The following PRKAG2 variants were observed in gnomAD, a reference collection of about 807,000 sequenced individuals.
The protein encoded by PRKAG2 is 5'-AMP-activated protein kinase subunit gamma-2.
PRKAG2 carries 26 observed loss-of-function variants against 69.6 expected under a neutral mutation model. The ratio of observed to expected loss-of-function variants is 0.37; its 90% CI spans 0.27 to 0.52. PRKAG2 has a LOEUF of 0.52. Ranked by LOEUF, PRKAG2 falls within the 20% of genes least tolerant of loss-of-function variation. The pLI, the probability that PRKAG2 is intolerant of heterozygous loss-of-function variation, is 0.90. For synonymous variants in PRKAG2, 293 were observed against 285.0 expected, an observed-to-expected ratio of 1.03 and a Z score of -0.28; for missense variants, 557 against 740.0, an observed-to-expected ratio of 0.75 and a Z score of 2.87.
intron 4 of PRKAG2, among the ~76,000 whole-genome samples, chr7:151,673,891 G>A (rs1007192277): frequency 5.5e-5 from 8 of 146,720 alleles, no homozygotes; most frequent in Non-Finnish European, 8.9e-5. Context: ...CACCCAGGCC[G>A]GAGTGCAGTG....
intron 1 of PRKAG2, among the ~76,000 whole-genome samples, chr7:151,799,636 C>A (rs1019715141): frequency 2.0e-5 from 3 of 152,218 alleles, no homozygotes; most frequent in African/African-American, 4.8e-5. Flanking sequence ...TTCCCAGGAA[C>A]CATGGAACCT....
At chr7:151,637,757 G>A (rs1825981108) in intron 4 of PRKAG2, among the ~76,000 whole-genome samples, 1 of 151,140 alleles carries the variant, frequency 6.6e-6, no homozygotes, top group Non-Finnish European at 1.5e-5. Flanking sequence ...GAATTTGAGG[G>A]CTTTTACAGT....
intron 4 of PRKAG2, among the ~76,000 whole-genome samples, chr7:151,654,618 T>C (rs1563353322): frequency 6.6e-6 from 1 of 152,202 alleles, no homozygotes; most frequent in African/African-American, 2.4e-5. Context: ...CAGTCTGATA[T>C]TGGAGAAAGT....
Position 151,632,318 on chromosome 7 carries a change from C to T in PRKAG2, c.685-180G>A, listed in dbSNP as rs1225728006. 7 of 827,706 alleles carry T rather than the reference C, an allele frequency of 8.5e-6. No individual in the cohort carries two copies. The African/African-American group carries it at 1.1e-4, about 13-fold the overall frequency. 51.3% of individuals were successfully genotyped at this position (827,706 alleles called of 1,614,324 possible). ...AGCGGGAGCGCTGCCCCCACCCGCC[C>T]GAGGCCGCCGCCGCCGCCGCAGGTG... On this transcript the variant is annotated intron_variant, in intron 4 of 15. Coordinates refer to ENST00000287878, the MANE Select transcript of PRKAG2 (RefSeq NM_016203.4). The surrounding 1 kb of genome is among the most constrained non-coding windows in gnomAD (Gnocchi z 4.2).
At chr7:151,622,520 G>A (rs1160235833) in intron 5 of PRKAG2, among the ~76,000 whole-genome samples, 4 of 152,222 alleles carry the variant, frequency 2.6e-5, no homozygotes, top group Admixed American at 6.5e-5. Flanking sequence ...CACCAATGGG[G>A]ACTACTCAAG....
intron 3 of PRKAG2, among the ~76,000 whole-genome samples, chr7:151,697,491 C>A (rs1363923672): frequency 6.6e-6 from 1 of 152,118 alleles, no homozygotes; most frequent in African/African-American, 2.4e-5. Flanking sequence ...GGACCCGCCG[C>A]TGGAAGTGAG....
intron 4 of PRKAG2, among the ~76,000 whole-genome samples, chr7:151,667,431 C>T (rs975827894): frequency 1.3e-5 from 2 of 152,220 alleles, no homozygotes; most frequent in African/African-American, 4.8e-5. Flanking sequence ...ATGTGTTCAA[C>T]TGCAGACCTA....
intron 4 of PRKAG2, among the ~76,000 whole-genome samples, chr7:151,652,293 T>C (rs1414254233): frequency 1.3e-5 from 2 of 152,204 alleles, no homozygotes; most frequent in African/African-American, 4.8e-5. Flanking sequence ...ATTTTCTTCA[T>C]GTGCTTCAAC....
intron 6 of PRKAG2, among the ~76,000 whole-genome samples, chr7:151,587,415 T>C (rs1045511942): frequency 7.2e-5 from 11 of 152,094 alleles, no homozygotes; most frequent in Non-Finnish European, 1.6e-4. Context: ...TCACTCCCCA[T>C]GGCTAAGTGT....
At chr7:151,844,983 G>A (rs1434359178) in intron 1 of PRKAG2, among the ~76,000 whole-genome samples, 1 of 152,008 alleles carries the variant, frequency 6.6e-6, no homozygotes, top group Non-Finnish European at 1.5e-5. Context: ...TCCTCTTCTC[G>A]GTGCTGTTGA....
At chr7:151,626,255 C>A (rs1450560771) in intron 5 of PRKAG2, among the ~76,000 whole-genome samples, 1 of 152,160 alleles carries the variant, frequency 6.6e-6, no homozygotes, top group South Asian at 2.1e-4. Context: ...CTTCCGGTGA[C>A]AAAACCTCTA....
chr7:151,795,673 G>A (rs889367032), intron 1 of PRKAG2, among the ~76,000 whole-genome samples: 2 of 151,862 alleles, frequency 1.3e-5, no homozygotes, highest in African/African-American at 4.8e-5. Flanking sequence ...TGATGTGGGT[G>A]GGCCTCCCCC....
chr7:151,666,101 G>C (rs950421204), intron 4 of PRKAG2, among the ~76,000 whole-genome samples: 1 of 152,116 alleles, frequency 6.6e-6, no homozygotes, highest in Admixed American at 6.5e-5. Flanking sequence ...ACAAGTATTA[G>C]TTATCTACTG....
chr7:151,812,517 A>G (rs1221405811), intron 1 of PRKAG2, among the ~76,000 whole-genome samples: 3 of 152,260 alleles, frequency 2.0e-5, no homozygotes, highest in African/African-American at 7.2e-5. Flanking sequence ...ATCCAACACT[A>G]TGAAGTGAGG....
At chr7:151,872,408 T>C (rs2080238883) in intron 1 of PRKAG2, among the ~76,000 whole-genome samples, 1 of 152,324 alleles carries the variant, frequency 6.6e-6, no homozygotes, top group African/African-American at 2.4e-5. Context: ...TTACCTTTAA[T>C]GGCTTCTTAG....
At chr7:151,870,648 TC>T (rs968954596) in intron 1 of PRKAG2, among the ~76,000 whole-genome samples, 1 of 152,032 alleles carries the variant, frequency 6.6e-6, no homozygotes, top group African/African-American at 2.4e-5. Flanking sequence ...AGGACGGGGC[TC>T]CCCTTCCCAC....
At chr7:151,670,235 G>A (rs1255818796) in intron 4 of PRKAG2, among the ~76,000 whole-genome samples, 1 of 152,116 alleles carries the variant, frequency 6.6e-6, no homozygotes, top group African/African-American at 2.4e-5. Context: ...TACCCCCAGA[G>A]CTGGAACTAT....
intron 3 of PRKAG2, among the ~76,000 whole-genome samples, chr7:151,744,910 C>T (rs1377636893): frequency 6.6e-6 from 1 of 152,100 alleles, no homozygotes; most frequent in Non-Finnish European, 1.5e-5. Context: ...TTCTTCTCAA[C>T]CATGCTGTGT....
At chr7:151,558,302 C>T in intron 15 of PRKAG2, 1 of 985,466 alleles carries the variant, frequency 1.0e-6, no homozygotes, top group Non-Finnish European at 1.2e-6. Context: ...ACAGCAGACA[C>T]TTCATCAAAC....
Sources: gnomAD v4.1 joint callset for allele counts (sites outside exome capture counted in the v4.1 genomes callset) on GRCh38, gnomAD v4.1.1 for gene constraint, Gnocchi (gnomAD v3.1) non-coding constraint, MANE v1.5 for transcripts, NCBI Gene and HGNC (gene_info 2026-07-23, HGNC 2026-07-21) for gene names.